The following ZBTB46 variants were observed in gnomAD, a reference collection of about 807,000 sequenced individuals.
ZBTB46 encodes zinc finger and BTB domain-containing protein 46.
ZBTB46 carries 8 observed loss-of-function variants against 44.1 expected under a neutral mutation model. The observed-to-expected ratio is 0.18, with a 90% confidence interval of 0.11 to 0.33. ZBTB46 has a LOEUF of 0.33. Ranked by LOEUF, ZBTB46 falls within the 10% of genes least tolerant of loss-of-function variation. ZBTB46 has a pLI of 1.00. For synonymous variants in ZBTB46, 409 were observed against 382.3 expected (o/e 1.07, Z -0.81); for missense variants, 651 against 847.7 (o/e 0.77, Z 2.88).
intron 1 of ZBTB46, among the ~76,000 whole-genome samples, chr20:63,818,623 A>G (rs970436598): frequency 6.6e-6 from 1 of 152,090 alleles, no homozygotes; most frequent in Admixed American, 6.6e-5. Flanking sequence ...TAGGATGCCG[A>G]GGCGGACAGA....
chr20:63,792,101 C>T (rs997238009), intron 1 of ZBTB46, among the ~76,000 whole-genome samples: 5 of 152,278 alleles, frequency 3.3e-5, no homozygotes, highest in Non-Finnish European at 5.9e-5. Context: ...ACCAGTCGTC[C>T]GGGAGTAGGG....
intron 3 of ZBTB46, among the ~76,000 whole-genome samples, chr20:63,761,202 T>G (rs1216505030): frequency 7.2e-6 from 1 of 139,090 alleles, no homozygotes; most frequent in East Asian, 2.0e-4. Flanking sequence ...TTTCACCATG[T>G]TGACCAGACT....
chr20:63,756,514 C>G (rs1354532067), intron 3 of ZBTB46, among the ~76,000 whole-genome samples: 1 of 151,788 alleles, frequency 6.6e-6, no homozygotes, highest in Non-Finnish European at 1.5e-5. Context: ...TAGGCTGTCA[C>G]TTAACTCTGT....
Position 63,830,932 on chromosome 20 carries a change from G to A in ZBTB46, c.-34+165C>T, listed in dbSNP as rs187638394. ...CCGCGCCGCAGCTGGGAGCGCCGAT[G>A]GCCCCCGGGAGGGCGCCCCCGCGGG... On this transcript the variant is annotated intron_variant, in intron 1 of 4. Coordinates refer to ENST00000245663, the MANE Select transcript of ZBTB46 (RefSeq NM_001369741.1). 5.1e-3 allele frequency among the ~76,000 whole-genome samples: 728 copies of A among 141,724 alleles called. 5 individuals carry two copies. The highest frequency in any genetic ancestry group is 0.035 in the Middle Eastern group (9 of 260). 93.0% of individuals were successfully genotyped at this position (141,724 alleles called of 152,430 possible).
chr20:63,757,199 C>T (rs1192559891), intron 3 of ZBTB46, among the ~76,000 whole-genome samples: 1 of 152,222 alleles, frequency 6.6e-6, no homozygotes, highest in Non-Finnish European at 1.5e-5. Context: ...TCTCAACTCA[C>T]TGCAACCTCC....
intron 1 of ZBTB46, among the ~76,000 whole-genome samples, chr20:63,809,398 A>G (rs1027325547): frequency 1.3e-5 from 2 of 152,308 alleles, no homozygotes; most frequent in Non-Finnish European, 2.9e-5. Flanking sequence ...GGGAGCAACA[A>G]AGGCCACCCC....
At chr20:63,755,093 C>A (rs1004636732) in intron 3 of ZBTB46, among the ~76,000 whole-genome samples, 1 of 152,204 alleles carries the variant, frequency 6.6e-6, no homozygotes, top group Non-Finnish European at 1.5e-5. Context: ...CAGGACTCAG[C>A]GTTAATAACC....
chr20:63,780,452 A>C (rs1003852329), intron 2 of ZBTB46, among the ~76,000 whole-genome samples: 1 of 152,132 alleles, frequency 6.6e-6, no homozygotes, highest in Non-Finnish European at 1.5e-5. Context: ...ACCAACTTGA[A>C]TCATGGAGCT....
At chr20:63,810,966 C>G (rs1256397580) in intron 1 of ZBTB46, among the ~76,000 whole-genome samples, 5 of 152,224 alleles carry the variant, frequency 3.3e-5, no homozygotes, top group African/African-American at 1.2e-4. Context: ...TCTTTCCTCA[C>G]TCCTACGAGG....
intron 1 of ZBTB46, among the ~76,000 whole-genome samples, chr20:63,823,598 G>A (rs2092804269): frequency 6.6e-6 from 1 of 152,064 alleles, no homozygotes; most frequent in South Asian, 2.1e-4. Flanking sequence ...GTACTCAGGA[G>A]GCAGAGGTGG....
intron 2 of ZBTB46, among the ~76,000 whole-genome samples, chr20:63,784,434 C>T (rs1405791022): frequency 1.3e-5 from 2 of 152,216 alleles, no homozygotes; most frequent in Non-Finnish European, 2.9e-5. Flanking sequence ...CCCACCTCAC[C>T]AGGGTTCAAG....
chr20:63,752,915 C>A lies in ZBTB46; in HGVS notation c.1223-54G>T. On this transcript the variant is annotated intron_variant, in intron 3 of 4. Coordinates refer to ENST00000245663, the MANE Select transcript of ZBTB46 (RefSeq NM_001369741.1). This position sits in a 1 kb window ranked among gnomAD's most constrained non-coding sequence, Gnocchi z 5.6. ...GCAGGGCTTGGGATGTACCGCCCTGCGGCCCACAGACCACGGCTGCACGCC... is the reference window on the plus strand; with the variant it reads ...GCAGGGCTTGGGATGTACCGCCCTGAGGCCCACAGACCACGGCTGCACGCC... 8 of 1,531,920 alleles carry A rather than the reference C, an allele frequency of 5.2e-6. No individual in the cohort carries two copies. The highest frequency in any genetic ancestry group is 1.9e-4 in the Middle Eastern group (1 of 5,404). The allele number at this position is 1,531,920 out of a possible 1,614,324, so 94.9% of individuals were successfully genotyped here. A position where few individuals can be genotyped will look rare whatever the true frequency, so the allele number is the denominator to read the frequency against.
chr20:63,826,044 G>A (rs1027898513), intron 1 of ZBTB46, among the ~76,000 whole-genome samples: 1 of 152,230 alleles, frequency 6.6e-6, no homozygotes, highest in Non-Finnish European at 1.5e-5. Context: ...AGGCACAGCA[G>A]TGCCCCTCTC....
chr20:63,793,291 A>G (rs2092575781), intron 1 of ZBTB46, among the ~76,000 whole-genome samples: 2 of 152,138 alleles, frequency 1.3e-5, no homozygotes, highest in Admixed American at 1.3e-4. Context: ...GGAGGGGGTC[A>G]TGTGCTGAGG....
At chr20:63,758,053 A>G (rs76599450) in intron 3 of ZBTB46, among the ~76,000 whole-genome samples, 2 of 74,448 alleles carry the variant, frequency 2.7e-5, no homozygotes, top group East Asian at 3.3e-4. Context: ...GCCCATCCAG[A>G]GCTCACACTC....
intron 3 of ZBTB46, among the ~76,000 whole-genome samples, chr20:63,766,551 C>T (rs2092322155): frequency 7.0e-6 from 1 of 143,692 alleles, no homozygotes; most frequent in Non-Finnish European, 1.5e-5. Flanking sequence ...AAAAAAAAAG[C>T]TTCATTTTCT....
intron 2 of ZBTB46, among the ~76,000 whole-genome samples, chr20:63,780,688 G>A (rs1338601817): frequency 6.6e-6 from 1 of 151,778 alleles, no homozygotes; most frequent in Admixed American, 6.6e-5. Context: ...TGTAGTCCCA[G>A]CTACTCGGGA....
At chr20:63,791,012 G>T in intron 1 of ZBTB46, 1 of 529,562 alleles carries the variant, frequency 1.9e-6, no homozygotes, top group Non-Finnish European at 3.2e-6. Flanking sequence ...TGGGACGTCT[G>T]CCACGTGTTT....
chr20:63,794,952 G>A (rs571290401), intron 1 of ZBTB46, among the ~76,000 whole-genome samples: 71 of 152,284 alleles, frequency 4.7e-4, no homozygotes, highest in South Asian at 2.3e-3. Flanking sequence ...CCCCGTGCGC[G>A]AGGTGCCCCT....
Sources: allele counts gnomAD v4.1 joint callset (sites outside exome capture counted in the v4.1 genomes callset), GRCh38; gene constraint gnomAD v4.1.1; non-coding constraint Gnocchi (gnomAD v3.1); transcripts MANE v1.5; gene names NCBI Gene and HGNC (gene_info 2026-07-23, HGNC 2026-07-21).